Variants in SDK1 observed in about 807,000 individuals in gnomAD.
SDK1 encodes protein sidekick-1.
SDK1 carries 157 observed loss-of-function variants against 245.5 expected under a neutral mutation model. The observed-to-expected ratio is 0.64, with a 90% confidence interval of 0.56 to 0.73. The LOEUF (loss-of-function observed/expected upper bound fraction) is 0.73, where lower values mean the gene tolerates loss of function less well. SDK1 is among the 30% of genes least tolerant of loss of function. SDK1 has a pLI of 0.00. For missense variants in SDK1, 3,583 were observed against 3,002.3 expected (o/e 1.19, Z -4.52); for synonymous variants, 1,647 against 1,278.5 (o/e 1.29, Z -6.15).
At chr7:4,020,781 C>T (rs960061148) in intron 17 of SDK1, among the ~76,000 whole-genome samples, 1 of 152,194 alleles carries the variant, frequency 6.6e-6, no homozygotes, top group African/African-American at 2.4e-5. Context: ...AATGTGCCTT[C>T]AAGAAGCACC....
intron 1 of SDK1, among the ~76,000 whole-genome samples, chr7:3,506,217 C>G (rs575054782): frequency 1.3e-5 from 2 of 152,074 alleles, no homozygotes; most frequent in South Asian, 2.1e-4. Flanking sequence ...AATTTTGGTA[C>G]TATTTTTGAA....
chr7:3,406,345 C>T (rs1309536529), intron 1 of SDK1, among the ~76,000 whole-genome samples: 1 of 152,112 alleles, frequency 6.6e-6, no homozygotes, highest in Non-Finnish European at 1.5e-5. Context: ...ATATAAATAG[C>T]CCTAGATTTA....
chr7:3,735,735 C>T (rs1779300415), intron 4 of SDK1, among the ~76,000 whole-genome samples: 1 of 152,202 alleles, frequency 6.6e-6, no homozygotes, highest in South Asian at 2.1e-4. Context: ...TAAGGAACCT[C>T]CATACTGTTT....
At chr7:3,630,106 C>A (rs1230203711) in intron 2 of SDK1, among the ~76,000 whole-genome samples, 1 of 151,958 alleles carries the variant, frequency 6.6e-6, no homozygotes, top group Non-Finnish European at 1.5e-5. Context: ...AAAAATCAAA[C>A]ATAATGAAAA....
intron 44 of SDK1, among the ~76,000 whole-genome samples, chr7:4,254,362 G>A (rs1787503122): frequency 6.6e-6 from 1 of 152,098 alleles, no homozygotes; most frequent in Admixed American, 6.5e-5. Flanking sequence ...ATCTTTAAGT[G>A]AACTGATTCT....
intron 1 of SDK1, among the ~76,000 whole-genome samples, chr7:3,385,439 A>AT (rs1245803738): frequency 5.3e-5 from 8 of 151,872 alleles, no homozygotes; most frequent in Non-Finnish European, 8.8e-5. Context: ...AAAAAAATAT[A>AT]TTTTTTTACT....
At chr7:3,959,323 A>T (rs1322483956) in intron 8 of SDK1, among the ~76,000 whole-genome samples, 1 of 152,036 alleles carries the variant, frequency 6.6e-6, no homozygotes, top group East Asian at 1.9e-4. Flanking sequence ...CAAGGCCCTG[A>T]CTTCACAAGT....
At chr7:3,382,651 T>C (rs1041396291) in intron 1 of SDK1, among the ~76,000 whole-genome samples, 1 of 152,208 alleles carries the variant, frequency 6.6e-6, no homozygotes, top group Non-Finnish European at 1.5e-5. Context: ...TAATATACTT[T>C]AAATGAGTAT....
At chr7:4,194,419 TACATGTATACGTATATAC>T (rs1333554563) in intron 35 of SDK1, among the ~76,000 whole-genome samples, 3,434 of 132,086 alleles carry the variant, frequency 0.026, 164 homozygotes, top group Middle Eastern at 0.052. Context: ...CATATGTGTA[TACATGTATACGTATATAC>T]ATATATGTAT....
intron 2 of SDK1, among the ~76,000 whole-genome samples, chr7:3,627,241 C>T (rs974976587): frequency 5.9e-5 from 9 of 152,142 alleles, no homozygotes; most frequent in African/African-American, 2.2e-4. Flanking sequence ...CACTACCAGG[C>T]ATTGTTCCGA....
At chr7:3,664,078 C>T (rs1375784984) in intron 4 of SDK1, among the ~76,000 whole-genome samples, 2 of 152,118 alleles carry the variant, frequency 1.3e-5, no homozygotes, top group African/African-American at 4.8e-5. Flanking sequence ...GGACAACATT[C>T]AATGCTTGTT....
At chr7:4,176,479 T>C (rs1192458161) in intron 34 of SDK1, among the ~76,000 whole-genome samples, 2 of 152,202 alleles carry the variant, frequency 1.3e-5, no homozygotes, top group African/African-American at 4.8e-5. Flanking sequence ...TTTCTTTTTT[T>C]ATTGTGGTAA....
intron 28 of SDK1, among the ~76,000 whole-genome samples, chr7:4,142,951 C>T (rs1439075398): frequency 6.6e-6 from 1 of 152,214 alleles, no homozygotes; most frequent in African/African-American, 2.4e-5. Context: ...CGCCCAGAGA[C>T]CTCAGAATTA....
At chr7:3,800,082 G>T (rs553760289) in intron 4 of SDK1, among the ~76,000 whole-genome samples, 2 of 152,120 alleles carry the variant, frequency 1.3e-5, no homozygotes, top group Non-Finnish European at 1.5e-5. Context: ...TAGCAGGGTT[G>T]TGGGTTTGGC....
chr7:4,190,912 G>A (rs1783165261), intron 35 of SDK1, among the ~76,000 whole-genome samples: 4 of 152,186 alleles, frequency 2.6e-5, no homozygotes, highest in East Asian at 3.9e-4. Flanking sequence ...GGTGGAGGGC[G>A]GGGAGGCTCC....
At chr7:3,330,291 A>G (rs1780036262) in intron 1 of SDK1, among the ~76,000 whole-genome samples, 1 of 152,198 alleles carries the variant, frequency 6.6e-6, no homozygotes. Context: ...ATTAGTTTAC[A>G]TTTCCAATAC....
chr7:3,820,713 A>G (rs553518410), intron 4 of SDK1, among the ~76,000 whole-genome samples: 23 of 152,334 alleles, frequency 1.5e-4, no homozygotes, highest in Admixed American at 9.1e-4. Flanking sequence ...TGTGTTACCT[A>G]AGACAAGCAA....
chr7:3,866,473 A>T (rs1780823356), intron 5 of SDK1, among the ~76,000 whole-genome samples: 1 of 152,218 alleles, frequency 6.6e-6, no homozygotes, highest in South Asian at 2.1e-4. Context: ...CACAGGCCTT[A>T]GGAAGGCGGG....
chr7:4,153,731 C>T (rs1169420409), intron 30 of SDK1, among the ~76,000 whole-genome samples: 3 of 152,204 alleles, frequency 2.0e-5, no homozygotes, highest in Non-Finnish European at 4.4e-5. Flanking sequence ...GGCTGGAGTG[C>T]AGTAGCTCCG....
Sources: allele counts gnomAD v4.1 joint callset (sites outside exome capture counted in the v4.1 genomes callset), GRCh38; gene constraint gnomAD v4.1.1; transcripts MANE v1.5; gene names NCBI Gene and HGNC (gene_info 2026-07-23, HGNC 2026-07-21).